USP8: variants seen among roughly 807,000 people sequenced by gnomAD.
USP8 encodes ubiquitin carboxyl-terminal hydrolase 8.
USP8 carries 27 observed loss-of-function variants against 130.0 expected under a neutral mutation model. That is an observed-to-expected ratio of 0.21 (90% confidence interval 0.15 to 0.29). The LOEUF (loss-of-function observed/expected upper bound fraction) is 0.29, where lower values mean the gene tolerates loss of function less well. USP8 is among the 10% of genes least tolerant of loss of function. USP8 has a pLI of 1.00. For missense variants in USP8, 1,029 were observed against 1,312.2 expected (o/e 0.78, Z 3.33); for synonymous variants, 392 against 444.1 (o/e 0.88, Z 1.48).
At chr15:50,498,511 C>T in intron 18 of USP8, 85 bp from the exon 19 acceptor site, 1 of 1,444,432 alleles carries the variant, frequency 6.9e-7, no homozygotes, top group East Asian at 2.4e-5. Flanking sequence ...TTTTACAGTC[C>T]TGGCTAAAAA....
intron 10 of USP8, among the ~76,000 whole-genome samples, chr15:50,479,059 A>G (rs1308143383): frequency 6.6e-6 from 1 of 152,130 alleles, no homozygotes; most frequent in Non-Finnish European, 1.5e-5. Context: ...CTCAAAAAAA[A>G]ATAAAAATAA....
At chr15:50,495,487 G>T (rs1038734155) in intron 16 of USP8, among the ~76,000 whole-genome samples, 1 of 123,696 alleles carries the variant, frequency 8.1e-6, no homozygotes. Flanking sequence ...AGAGATTGGA[G>T]GGGGGGGTCT....
intron 7 of USP8, among the ~76,000 whole-genome samples, chr15:50,468,532 G>A (rs1326762961): frequency 1.3e-5 from 2 of 151,978 alleles, no homozygotes; most frequent in Non-Finnish European, 2.9e-5. Flanking sequence ...TGTGAGCCAC[G>A]GTGCCCAGCC....
intron 3 of USP8, among the ~76,000 whole-genome samples, chr15:50,447,290 G>A (rs112357967): frequency 0.14 from 20,867 of 152,178 alleles, 1,951 homozygotes; most frequent in Middle Eastern, 0.28. Flanking sequence ...GCCCAGACTG[G>A]AGTTCAGTGG....
chr15:50,470,745 G>T (rs908382677), intron 7 of USP8, among the ~76,000 whole-genome samples: 1 of 151,746 alleles, frequency 6.6e-6, no homozygotes, highest in East Asian at 1.9e-4. Context: ...GATTACAGGC[G>T]CCTGCCACCA....
chr15:50,438,934 A>T (rs956246142), intron 1 of USP8, 75 bp from the exon 2 acceptor site: 21 of 517,200 alleles, frequency 4.1e-5, no homozygotes, highest in Non-Finnish European at 6.3e-5. Context: ...TGGTTTAGGA[A>T]TTTTTTTTTT....
rs1324980748 is a variant in USP8, at chr15:50,505,693, T to TTTTAATTA, written c.*6605_*6606insTTTAATTA. On this transcript the variant is annotated 3_prime_UTR_variant, in exon 20 of 20. Coordinates refer to ENST00000307179, the MANE Select transcript of USP8 (RefSeq NM_005154.5). Reference sequence around the variant, plus strand: ...TTAAAAACCGGCTGGGCATGGTGGTTCACACCTGTAATCCCAGCACTTTGG... The same window carrying TTTTAATTA: ...TTAAAAACCGGCTGGGCATGGTGGTTTTTAATTACACACCTGTAATCCCAGCACTTTGG... 1 of 152,360 alleles carries TTTTAATTA rather than the reference T, an allele frequency of 6.6e-6. No individual in the cohort carries two copies. The highest frequency in any genetic ancestry group is 2.4e-5 in the African/African-American group (1 of 41,454). The allele number at this position is 152,360 out of a possible 1,614,324, so 9.4% of individuals were successfully genotyped here.
At chr15:50,482,524 G>A (rs1390822512) in intron 11 of USP8, among the ~76,000 whole-genome samples, 2 of 152,170 alleles carry the variant, frequency 1.3e-5, no homozygotes, top group African/African-American at 4.8e-5. Context: ...TTTTTGGTCA[G>A]ATCGGTGTCA....
At chr15:50,497,947 A>G (rs2052480324) in intron 18 of USP8, among the ~76,000 whole-genome samples, 1 of 152,160 alleles carries the variant, frequency 6.6e-6, no homozygotes, top group Non-Finnish European at 1.5e-5. Context: ...CCAAATTTAC[A>G]TGTTCAGATT....
rs181489904 is a variant in USP8 at position 50,483,523 on chromosome 15, G to A, written c.1804-752G>A. ...TAAAAAGAATCTACGGGCCGGGCGC[G>A]TTGGCCCACGCCTATAATCCCAGCA... is the stretch of plus-strand genomic sequence containing the variant. On this transcript the variant is annotated intron_variant, in intron 11 of 19. Coordinates refer to ENST00000307179, the MANE Select transcript of USP8 (RefSeq NM_005154.5). Among the ~76,000 whole-genome samples, 992 of 152,304 alleles carry A rather than the reference G, an allele frequency of 6.5e-3. 18 individuals carry two copies. The highest frequency in any genetic ancestry group is 3.0e-3 in the Non-Finnish European group (205 of 68,030).
At chr15:50,496,277 C>T (rs1029486538) in intron 17 of USP8, among the ~76,000 whole-genome samples, 193 bp downstream of exon 17, 1 of 151,942 alleles carries the variant, frequency 6.6e-6, no homozygotes, top group Non-Finnish European at 1.5e-5. Flanking sequence ...GTCAGGAGAT[C>T]GAGACCATCC....
At chr15:50,482,757 G>A (rs1285857390) in intron 11 of USP8, among the ~76,000 whole-genome samples, 2 of 152,240 alleles carry the variant, frequency 1.3e-5, no homozygotes, top group African/African-American at 4.8e-5. Flanking sequence ...ACCAAGAACA[G>A]TTATGGTCCT....
chr15:50,466,296 A>G (rs923370194), intron 7 of USP8, among the ~76,000 whole-genome samples: 1 of 152,144 alleles, frequency 6.6e-6, no homozygotes, highest in African/African-American at 2.4e-5. Flanking sequence ...TAAATAAGCT[A>G]TTTAAAAATT....
chr15:50,454,559 A>G (rs1303172485), intron 4 of USP8, among the ~76,000 whole-genome samples: 1 of 149,346 alleles, frequency 6.7e-6, no homozygotes, highest in African/African-American at 2.5e-5. Flanking sequence ...GGGTTCAAGC[A>G]ATTCTCCTAT....
chr15:50,485,550 ATTTT>A lies in USP8; in HGVS notation c.1890+1219_1890+1222del, dbSNP rs71424071. Among the ~76,000 whole-genome samples the A allele has an allele frequency of 1.8e-3, 51 of 27,936 alleles. No homozygotes were observed. In the East Asian group the frequency reaches 0.024, roughly 13 times the overall value. The allele number at this position is 27,936 out of a possible 152,430, so 18.3% of individuals were successfully genotyped here. On this transcript the variant is annotated intron_variant, in intron 12 of 19. Transcript: ENST00000307179. ...CCCATTTTTAGCATGCAGTTTAGTG[ATTTT>A]TTTTTTTTTTTTTTTTTTTTTTTTT...
At position 50,503,942 on chromosome 15, in the gene USP8, A is replaced by G. The variant is rs2052624070; in HGVS notation, c.*4854A>G. On this transcript the variant is annotated 3_prime_UTR_variant, in exon 20 of 20. Coordinates refer to ENST00000307179, the MANE Select transcript of USP8 (RefSeq NM_005154.5). ...GAATTATTAAGCAGAGGCTACAAAT[A>G]AAGTATATTTAAATATATTTAGAAG... The G allele has an allele frequency of 6.6e-6, 1 of 152,206 alleles. No individual in the cohort carries two copies. The allele number at this position is 152,206 out of a possible 1,614,324, so 9.4% of individuals were successfully genotyped here.
chr15:50,430,654 G>A (rs965719910), intron 1 of USP8, among the ~76,000 whole-genome samples: 16 of 151,828 alleles, frequency 1.1e-4, no homozygotes, highest in African/African-American at 3.9e-4. Flanking sequence ...TAATTTTGGT[G>A]TCAATACTTA....
At chr15:50,430,793 C>T (rs2049905453) in intron 1 of USP8, among the ~76,000 whole-genome samples, 1 of 152,138 alleles carries the variant, frequency 6.6e-6, no homozygotes, top group Non-Finnish European at 1.5e-5. Flanking sequence ...TTAAGATGTT[C>T]CTTTGGCATA....
At chr15:50,451,475 A>G (rs1450033301) in intron 4 of USP8, among the ~76,000 whole-genome samples, 2 of 152,184 alleles carry the variant, frequency 1.3e-5, no homozygotes, top group African/African-American at 4.8e-5. Context: ...TTATTTAGAT[A>G]TTTACTTCTT....
Sources: gnomAD v4.1 joint callset for allele counts (sites outside exome capture counted in the v4.1 genomes callset) on GRCh38, gnomAD v4.1.1 for gene constraint, MANE v1.5 for transcripts, NCBI Gene and HGNC (gene_info 2026-07-23, HGNC 2026-07-21) for gene names.